Variants in MYH10 observed in about 807,000 individuals in gnomAD.
MYH10 encodes myosin-10.
A neutral mutation model predicts 257.8 loss-of-function variants in MYH10; 55 were observed. That is an observed-to-expected ratio of 0.21 (90% CI 0.17 to 0.27). The LOEUF is 0.27. Among genes scored for constraint, MYH10 ranks in the 10% least tolerant of loss-of-function variants. MYH10 has a pLI of 1.00. For missense variants in MYH10, 1,631 were observed against 2,500.6 expected (o/e 0.65, Z 7.42); for synonymous variants, 854 against 921.7 (o/e 0.93, Z 1.33).
chr17:8,494,944 C>G (rs1916353772), intron 31 of MYH10, among the ~76,000 whole-genome samples, 193 bp downstream of exon 31: 1 of 152,234 alleles, frequency 6.6e-6, no homozygotes, highest in Admixed American at 6.5e-5. Flanking sequence ...CACACGAACC[C>G]CAGGGGCTCT....
intron 3 of MYH10, among the ~76,000 whole-genome samples, chr17:8,600,981 A>G (rs2084568605): frequency 6.6e-6 from 1 of 152,234 alleles, no homozygotes; most frequent in South Asian, 2.1e-4. Context: ...GGCAAAAATG[A>G]AAAGGGAGTA....
chr17:8,474,648 C>T lies in MYH10; in HGVS notation c.*1156G>A, dbSNP rs1428674794. The stretch of plus-strand genomic sequence containing the variant: ...TTATAGAGGCGAATGATATATTCAA[C>T]ATTGTCTTAGTACTGTAGTGTCTAA... On this transcript the variant is annotated 3_prime_UTR_variant, in exon 43 of 43. Coordinates refer to ENST00000360416, the MANE Select transcript of MYH10 (RefSeq NM_001256012.3). The T allele has an allele frequency of 6.6e-6, 1 of 152,642 alleles. No individual in the cohort carries two copies. The highest frequency in any genetic ancestry group is 1.9e-4 in the East Asian group (1 of 5,202). 9.5% of individuals were successfully genotyped at this position (152,642 alleles called of 1,614,324 possible).
chr17:8,499,892 A>G (rs1051175519), intron 29 of MYH10, among the ~76,000 whole-genome samples: 1 of 152,240 alleles, frequency 6.6e-6, no homozygotes, highest in Non-Finnish European at 1.5e-5. Flanking sequence ...ATCCTGCCTC[A>G]GGGACAAGAT....
In MYH10 at chr17:8,475,612, CTA is replaced by C; in HGVS notation, c.*190_*191del. The C allele has an allele frequency of 1.7e-6, 1 of 604,554 alleles. No homozygotes were observed. Among genetic ancestry groups the C allele is most frequent in the Non-Finnish European group, 2.9e-6 (1 of 344,922 alleles). The allele number at this position is 604,554 out of a possible 1,614,324, so 37.4% of individuals were successfully genotyped here. On this transcript the variant is annotated 3_prime_UTR_variant, in exon 43 of 43. Transcript: ENST00000360416. ...TTTAATATATGTGTCCTGTGTGTGT[CTA>C]TATATAAAAAGGGGAGCAATTGTAC...
intron 7 of MYH10, chr17:8,560,971 C>A: frequency 2.1e-6 from 1 of 486,652 alleles, no homozygotes; most frequent in Non-Finnish European, 3.7e-6. Flanking sequence ...TCTAATCAAT[C>A]TGCTTGTGTT....
At chr17:8,607,194 A>G (rs1414674745) in intron 2 of MYH10, among the ~76,000 whole-genome samples, 3 of 152,204 alleles carry the variant, frequency 2.0e-5, no homozygotes, top group African/African-American at 7.2e-5. Flanking sequence ...ATCACAGTCT[A>G]TAAGGAAGCT....
At chr17:8,514,059 T>C (rs1242049789) in intron 21 of MYH10, among the ~76,000 whole-genome samples, 165 bp from the exon 22 acceptor site, 1 of 152,212 alleles carries the variant, frequency 6.6e-6, no homozygotes, top group East Asian at 1.9e-4. Context: ...TTCTGGCCGC[T>C]CGAAGCCACA....
At chr17:8,597,363 G>T (rs1682633544) in intron 3 of MYH10, among the ~76,000 whole-genome samples, 1 of 150,464 alleles carries the variant, frequency 6.6e-6, no homozygotes, top group South Asian at 2.1e-4. Flanking sequence ...GAAAGAAAAA[G>T]AATATCATAG....
intron 14 of MYH10, among the ~76,000 whole-genome samples, chr17:8,536,214 C>T (rs775115071): frequency 2.6e-5 from 4 of 151,968 alleles, no homozygotes; most frequent in Non-Finnish European, 4.4e-5. Context: ...GATGGCCCCA[C>T]AAAAGTGGCA....
At chr17:8,543,455 T>C (rs2082353509) in intron 13 of MYH10, among the ~76,000 whole-genome samples, 1 of 150,896 alleles carries the variant, frequency 6.6e-6, no homozygotes, top group Admixed American at 6.7e-5. Flanking sequence ...TATTGCTCTA[T>C]TTAGCCTGGG....
chr17:8,566,654 G>A (rs2083176117), intron 7 of MYH10, among the ~76,000 whole-genome samples: 2 of 152,074 alleles, frequency 1.3e-5, no homozygotes, highest in African/African-American at 2.4e-5. Flanking sequence ...AAGAGACCCT[G>A]GGCCAGAGTC....
chr17:8,525,875 CT>C (rs2081826841), intron 17 of MYH10, among the ~76,000 whole-genome samples: 1 of 152,128 alleles, frequency 6.6e-6, no homozygotes, highest in Admixed American at 6.5e-5. Context: ...TCAGAGCAAC[CT>C]CCGCCTCCTG....
intron 3 of MYH10, among the ~76,000 whole-genome samples, chr17:8,603,649 A>G (rs1231085181): frequency 6.6e-6 from 1 of 152,190 alleles, no homozygotes; most frequent in African/African-American, 2.4e-5. Context: ...TCTAAAGATC[A>G]TTCTTCTTAA....
intron 36 of MYH10, among the ~76,000 whole-genome samples, chr17:8,485,194 T>G (rs1483070216): frequency 6.6e-6 from 1 of 152,180 alleles, no homozygotes; most frequent in African/African-American, 2.4e-5. Flanking sequence ...CAATTATATT[T>G]CTATACACCA....
intron 2 of MYH10, among the ~76,000 whole-genome samples, chr17:8,610,259 A>G (rs71371857): frequency 8.2e-6 from 1 of 122,312 alleles, no homozygotes; most frequent in Non-Finnish European, 1.7e-5. Context: ...TATAGGGAGC[A>G]CCATAGGATT....
chr17:8,621,838 T>G (rs2085479833), intron 2 of MYH10, among the ~76,000 whole-genome samples: 1 of 152,178 alleles, frequency 6.6e-6, no homozygotes, highest in Admixed American at 6.5e-5. Flanking sequence ...AAACAGCCCT[T>G]AACTGACCCG....
chr17:8,580,126 G>GA (rs958076520), intron 4 of MYH10, among the ~76,000 whole-genome samples: 155 of 145,734 alleles, frequency 1.1e-3, no homozygotes, highest in East Asian at 1.2e-3. Flanking sequence ...GACTTCACCT[G>GA]AAAAAAAAAA....
chr17:8,569,876 G>T lies in MYH10; in HGVS notation c.664-64C>A. 8.3e-7 allele frequency: 1 copy of T among 1,204,392 alleles called. No homozygotes were observed. Among genetic ancestry groups the T allele is most frequent in the Non-Finnish European group, 1.2e-6 (1 of 859,102 alleles). The allele number at this position is 1,204,392 out of a possible 1,614,324, so 74.6% of individuals were successfully genotyped here. ...ACGTTAATCTAATGTCTTTACTCAA[G>T]TCATCAGGGGAAAAATTTCTAAAAA... On this transcript the variant is annotated intron_variant, in intron 6 of 42. Transcript: ENST00000360416. The surrounding 1 kb of genome is among the most constrained non-coding windows in gnomAD (Gnocchi z 4.1).
rs556463800 is a variant in MYH10 at position 8,506,383 on chromosome 17, C to T, written c.3321G>A (p.Ala1107=). The change falls in exon 27 of 43, where the codon GCG becomes GCA. Residue 1107 remains alanine, a synonymous_variant. Coordinates refer to ENST00000360416, the MANE Select transcript of MYH10 (RefSeq NM_001256012.3). This position sits in a 1 kb window ranked among gnomAD's most constrained non-coding sequence, Gnocchi z 5.0. ...DLQDQIAELQ[A]QIDELKLQLA... is the part of the protein sequence containing the mutation. ...GCTGCAGCTTGAGCTCATCAATCTG[C>T]GCCTGCAGCTCTGCGATCTGGTCCT... 150 of 1,611,700 alleles carry T rather than the reference C, an allele frequency of 9.3e-5. No individual in the cohort carries two copies. Among genetic ancestry groups the T allele is most frequent in the African/African-American group, 2.7e-4 (20 of 74,682 alleles).
Sources: gnomAD v4.1 joint callset for allele counts (sites outside exome capture counted in the v4.1 genomes callset) on GRCh38, gnomAD v4.1.1 for gene constraint, Gnocchi (gnomAD v3.1) non-coding constraint, MANE v1.5 for transcripts, NCBI Gene and HGNC (gene_info 2026-07-23, HGNC 2026-07-21) for gene names.